Variants in EPS8L3 observed in about 807,000 individuals in gnomAD.
The protein encoded by EPS8L3 is epidermal growth factor receptor kinase substrate 8-like protein 3.
A neutral mutation model predicts 88.5 loss-of-function variants in EPS8L3; 80 were observed. The observed-to-expected ratio is 0.90, with a 90% CI of 0.75 to 1.09. The LOEUF is 1.09. Among genes scored for constraint, EPS8L3 ranks in the 50% least tolerant of loss-of-function variants. EPS8L3 has a pLI of 0.00. For missense variants in EPS8L3, 721 were observed against 735.2 expected (o/e 0.98, Z 0.22); for synonymous variants, 286 against 291.0 (o/e 0.98, Z 0.18).
chr1:109,760,139 G>A (rs1048226768), intron 3 of EPS8L3, among the ~76,000 whole-genome samples: 1 of 152,134 alleles, frequency 6.6e-6, no homozygotes. Context: ...GCTGGGTGGT[G>A]GAGGATGTGG....
Position 109,750,719 on chromosome 1 carries a change from A to C in EPS8L3, c.1711T>G (p.Cys571Gly), listed in dbSNP as rs1275653643. 6.2e-7 allele frequency: 1 copy of C among 1,614,222 alleles called. No individual in the cohort carries two copies. The highest frequency in any genetic ancestry group is 8.5e-7 in the Non-Finnish European group (1 of 1,180,036). Residue 571 changes from cysteine (C) to glycine (G), a missense_variant, in exon 18 of 19, where the codon TGT (cysteine) becomes GGT (glycine). By Grantham distance (159) the Cys-to-Gly change is radical (BLOSUM62 -3). Coordinates refer to ENST00000361965, the MANE Select transcript of EPS8L3 (RefSeq NM_133181.4). ...RIRPGELQML[C>G]PQEAPRILSR... is the part of the protein sequence containing the mutation. ...AGGATTCGTGGGGCCTCCTGTGGAC[A>C]TAGCATCTGTAGCTCCCCAGGTCTT...
Position 109,759,668 on chromosome 1 carries a change from G to A in EPS8L3, c.255+10C>T. Reference sequence around the variant, plus strand: ...GGCTGGCTATCACTGGGTTTGCTGGGAAGGCTGACCTTGGTCTCAATGTCC... The same window carrying A: ...GGCTGGCTATCACTGGGTTTGCTGGAAAGGCTGACCTTGGTCTCAATGTCC... On this transcript the variant is annotated intron_variant, in intron 4 of 18. Transcript: ENST00000361965. The surrounding 1 kb of genome is among the most constrained non-coding windows in gnomAD (Gnocchi z 4.2). 2 of 1,612,724 alleles carry A rather than the reference G, an allele frequency of 1.2e-6. No individual in the cohort carries two copies. The highest frequency in any genetic ancestry group is 1.7e-6 in the Non-Finnish European group (2 of 1,179,728).
At position 109,750,745 on chromosome 1, in the gene EPS8L3, A is replaced by T. The variant is rs747646220; in HGVS notation, c.1685T>A (p.Ile562Lys). The part of the protein sequence containing the change: ...GSLTGSQLLR[I>K]RPGELQMLCP... ...TAGCATCTGTAGCTCCCCAGGTCTT[A>T]TGCGAAGTAGCTGGCTCCCCGTCAG... The change falls in exon 18 of 19, where the codon ATA becomes AAA. Residue 562 changes from isoleucine (I) to lysine (K), a missense_variant. Ile to Lys is a moderately radical substitution (Grantham distance 102). Coordinates refer to ENST00000361965, the MANE Select transcript of EPS8L3 (RefSeq NM_133181.4). The T allele has an allele frequency of 3.6e-5, 58 of 1,614,084 alleles. No individual in the cohort carries two copies. Among genetic ancestry groups the T allele is most frequent in the Non-Finnish European group, 4.4e-5 (52 of 1,180,046 alleles).
intron 1 of EPS8L3, among the ~76,000 whole-genome samples, chr1:109,763,390 G>A (rs369474385): frequency 6.6e-6 from 1 of 152,092 alleles, no homozygotes; most frequent in African/African-American, 2.4e-5. Flanking sequence ...CTCAACACCA[G>A]GGTGGGCCCT....
intron 13 of EPS8L3, 92 bp from the exon 14 acceptor site, chr1:109,752,812 T>A: frequency 8.5e-7 from 1 of 1,178,330 alleles, no homozygotes; most frequent in Non-Finnish European, 1.2e-6. Context: ...CATAAGCAGC[T>A]CACACACAGC....
chr1:109,750,869 C>T lies in EPS8L3; in HGVS notation c.1638-77G>A, dbSNP rs1026075236. 9 of 1,558,214 alleles carry T rather than the reference C, an allele frequency of 5.8e-6. No homozygotes were observed. The African/African-American group carries it at 9.5e-5, about 16-fold the overall frequency. On this transcript the variant is annotated intron_variant, in intron 17 of 18. Transcript: ENST00000361965. ...CCTGAGCGTTTGGGCAGAGACAGGG[C>T]TCTTTGGGCTCGGAGGTTGGGGTTA... is the stretch of plus-strand genomic sequence containing the variant.
chr1:109,753,013 A>T, intron 13 of EPS8L3, 104 bp downstream of exon 13: 1 of 1,026,228 alleles, frequency 9.7e-7, no homozygotes. Context: ...CTGGCTTGCC[A>T]GTGTTAGGTC....
intron 8 of EPS8L3, 93 bp from the exon 9 acceptor site, chr1:109,758,151 C>T: frequency 5.9e-6 from 8 of 1,351,386 alleles, no homozygotes; most frequent in South Asian, 3.7e-5. Flanking sequence ...CACCACAAGC[C>T]CCAGCCTCAG....
chr1:109,753,285 G>T lies in EPS8L3; in HGVS notation c.1119-87C>A, dbSNP rs975180170. On this transcript the variant is annotated intron_variant, in intron 12 of 18. Coordinates refer to ENST00000361965, the MANE Select transcript of EPS8L3 (RefSeq NM_133181.4). Reference sequence around the variant, plus strand: ...GACGCGGACAGGGAGGGGACGACAGGGCCTAGCCTCAGGAATCTTTTGGCT... The same window carrying T: ...GACGCGGACAGGGAGGGGACGACAGTGCCTAGCCTCAGGAATCTTTTGGCT... 8 of 1,086,330 alleles carry T rather than the reference G, an allele frequency of 7.4e-6. No homozygotes were observed. The African/African-American group carries it at 1.3e-4, about 17-fold the overall frequency. 67.3% of individuals were successfully genotyped at this position (1,086,330 alleles called of 1,614,324 possible). A position where few individuals can be genotyped will look rare whatever the true frequency, so the allele number is the denominator to read the frequency against.
intron 12 of EPS8L3, 35 bp downstream of exon 12, chr1:109,756,982 A>G (rs770267895): frequency 3.7e-6 from 6 of 1,613,572 alleles, no homozygotes; most frequent in South Asian, 1.1e-5. Context: ...CATGCCCCTC[A>G]CCCCCGATTC....
chr1:109,753,465 T>C (rs72991162), intron 12 of EPS8L3, among the ~76,000 whole-genome samples: 6,007 of 152,216 alleles, frequency 0.039, 362 homozygotes, highest in African/African-American at 0.13. Flanking sequence ...CGTAAGAACA[T>C]GATGGACACT....
chr1:109,751,248 C>T, intron 17 of EPS8L3, 30 bp downstream of exon 17: 4 of 1,605,912 alleles, frequency 2.5e-6, no homozygotes, highest in Non-Finnish European at 2.6e-6. Flanking sequence ...AAAGTTTCTC[C>T]CTCCATATCC....
At position 109,758,620 on chromosome 1, in the gene EPS8L3, C is replaced by G. The variant is rs768579569; in HGVS notation, c.505G>C (p.Gly169Arg). ...GLQPGQDRWR[G>R]PAMERPLPME... ...GGGAGCGGCCTTTCCATAGCAGGCC[C>G]CCTCCATCTGTCCTGGCCTGGCTGA... Residue 169 changes from glycine to arginine, a missense_variant, in exon 7 of 19, where the codon GGG (glycine) becomes CGG (arginine). By Grantham distance (125) the Gly-to-Arg change is moderately radical. Transcript: ENST00000361965. 11 of 1,612,044 alleles carry G rather than the reference C, an allele frequency of 6.8e-6. No homozygotes were observed. The South Asian group carries it at 8.8e-5, about 13-fold the overall frequency.
At chr1:109,751,209 T>C in intron 17 of EPS8L3, 69 bp downstream of exon 17, 1 of 1,380,476 alleles carries the variant, frequency 7.2e-7, no homozygotes, top group African/African-American at 1.4e-5. Flanking sequence ...ATGTTCTGGG[T>C]CTCTGGGTTT....
At chr1:109,761,914 C>T (rs538119917) in intron 1 of EPS8L3, 141 bp from the exon 2 acceptor site, 210 of 688,084 alleles carry the variant, frequency 3.1e-4, no homozygotes, top group East Asian at 2.2e-4. Context: ...GGGCCCTTTC[C>T]GGAGCCATCT....
At chr1:109,752,757 A>C in intron 13 of EPS8L3, 37 bp from the exon 14 acceptor site, 1 of 1,542,866 alleles carries the variant, frequency 6.5e-7, no homozygotes, top group African/African-American at 1.4e-5. Flanking sequence ...TAAGAGCAGG[A>C]GGCAGCCAGC....
rs1485709544 is a variant in EPS8L3 at position 109,757,521 on chromosome 1, G to T, written c.929C>A (p.Ala310Asp). ...GAAGAGGATGTGTACGAGCTCAGGG[G>T]CACTTGTCTCCTTCAGCCAGGTGGC... The part of the protein sequence containing the change: ...RLATWLKETS[A>D]PELVHILFKS... Residue 310 changes from alanine (A) to aspartate (D), a missense_variant, in exon 11 of 19, where the codon GCC becomes GAC. Ala to Asp is a moderately radical substitution (Grantham distance 126, BLOSUM62 -2). Transcript: ENST00000361965. 1 of 1,614,078 alleles carries T rather than the reference G, an allele frequency of 6.2e-7. No homozygotes were observed. Among genetic ancestry groups the T allele is most frequent in the Non-Finnish European group, 8.5e-7 (1 of 1,180,002 alleles).
At position 109,753,164 on chromosome 1, in the gene EPS8L3, G is replaced by T; in HGVS notation, c.1153C>A (p.Gln385Lys). ...TGCCAGTCATCTGAGAATGTGGGTT[G>T]GTAGGGCAGGGGCTCATCGCCTGTC... is the stretch of plus-strand genomic sequence containing the variant. Reference protein sequence around the residue: ...DWTGDEPLPYQPTFSDDWQLP... With the variant: ...DWTGDEPLPYKPTFSDDWQLP... Residue 385 changes from glutamine (Q) to lysine (K), a missense_variant, in exon 13 of 19, where the codon CAA becomes AAA. By Grantham distance (53) the Gln-to-Lys change is moderately conservative. Transcript: ENST00000361965. 6.2e-7 allele frequency: 1 copy of T among 1,613,234 alleles called. No individual in the cohort carries two copies. The highest frequency in any genetic ancestry group is 1.3e-5 in the African/African-American group (1 of 75,012).
intron 17 of EPS8L3, among the ~76,000 whole-genome samples, chr1:109,751,066 A>G (rs1198247767): frequency 6.6e-6 from 1 of 152,130 alleles, no homozygotes; most frequent in African/African-American, 2.4e-5. Context: ...CACTCCCCTG[A>G]TCCTTGCTGC....
Sources: allele counts gnomAD v4.1 joint callset (sites outside exome capture counted in the v4.1 genomes callset), GRCh38; gene constraint gnomAD v4.1.1; non-coding constraint Gnocchi (gnomAD v3.1); transcripts MANE v1.5; gene names NCBI Gene and HGNC (gene_info 2026-07-23, HGNC 2026-07-21).